Variants in GLI2 observed in about 807,000 individuals in gnomAD.
GLI2 encodes the protein GLI family zinc finger 2.
In GLI2, 22 loss-of-function variants were observed where a neutral mutation model predicts 78.9. The ratio of observed to expected loss-of-function variants is 0.28; its 90% CI spans 0.20 to 0.40. The LOEUF (loss-of-function observed/expected upper bound fraction) is 0.40, where lower values mean the gene tolerates loss of function less well. GLI2 is among the 10% of genes least tolerant of loss of function. The pLI is 1.00. For missense variants in GLI2, 2,097 were observed against 2,213.2 expected, an observed-to-expected ratio of 0.95 and a Z score of 1.05; for synonymous variants, 974 against 963.7, an observed-to-expected ratio of 1.01 and a Z score of -0.20.
At chr2:120,738,769 G>A (rs1274571598) in intron 1 of GLI2, among the ~76,000 whole-genome samples, 1 of 152,222 alleles carries the variant, frequency 6.6e-6, no homozygotes, top group Admixed American at 6.5e-5. Context: ...TCCTCTGTGG[G>A]AATCGATTTG....
Position 120,736,089 on chromosome 2 carries a change from G to T in GLI2, c.-227G>T, listed in dbSNP as rs937323225. Among the ~76,000 whole-genome samples, 3 of 150,108 alleles carry T rather than the reference G, an allele frequency of 2.0e-5. No homozygotes were observed. Among genetic ancestry groups the T allele is most frequent in the Non-Finnish European group, 3.0e-5 (2 of 67,458 alleles). Reference sequence around the variant, plus strand: ...TCGGGGAGCCGCCTGCTCGCCGGCGGTAGGGGCTGCGCGGCGCCCGCCCGC... The same window carrying T: ...TCGGGGAGCCGCCTGCTCGCCGGCGTTAGGGGCTGCGCGGCGCCCGCCCGC... On this transcript the variant is annotated 5_prime_UTR_variant, in exon 1 of 14. Coordinates refer to ENST00000361492, the MANE Select transcript of GLI2 (RefSeq NM_001374353.1).
intron 3 of GLI2, among the ~76,000 whole-genome samples, chr2:120,944,577 G>A (rs113512433): frequency 0.026 from 3,918 of 152,288 alleles, 177 homozygotes; most frequent in African/African-American, 0.091. Flanking sequence ...CCTGCCAGGG[G>A]ACCACCAAGC....
intron 2 of GLI2, among the ~76,000 whole-genome samples, chr2:120,837,825 CG>C: frequency 6.6e-6 from 1 of 152,222 alleles, no homozygotes; most frequent in African/African-American, 2.4e-5. Context: ...GCTCTGTTTC[CG>C]GGCTCCCTAC....
intron 2 of GLI2, among the ~76,000 whole-genome samples, chr2:120,828,723 G>A (rs1166434869): frequency 6.6e-6 from 1 of 152,146 alleles, no homozygotes; most frequent in Non-Finnish European, 1.5e-5. Flanking sequence ...GCTTGAGGAT[G>A]AGGTTTAAAG....
chr2:120,823,605 A>G (rs777091503), intron 2 of GLI2, among the ~76,000 whole-genome samples: 21 of 152,224 alleles, frequency 1.4e-4, no homozygotes, highest in South Asian at 2.1e-4. Context: ...AGAAGTGGGT[A>G]GCCTGGGGAC....
chr2:120,770,843 C>T (rs945834043), intron 1 of GLI2, among the ~76,000 whole-genome samples: 1 of 152,174 alleles, frequency 6.6e-6, no homozygotes, highest in African/African-American at 2.4e-5. Context: ...GACCACCTAC[C>T]CTCCAGGCTG....
chr2:120,836,575 C>A (rs970914), intron 2 of GLI2, among the ~76,000 whole-genome samples: 28,243 of 152,204 alleles, frequency 0.19, 2,950 homozygotes, highest in African/African-American at 0.26. Flanking sequence ...GAACTTTCTT[C>A]ACAGCAGGGG....
At chr2:120,931,395 G>C (rs1257735890) in intron 3 of GLI2, among the ~76,000 whole-genome samples, 1 of 152,146 alleles carries the variant, frequency 6.6e-6, no homozygotes, top group Non-Finnish European at 1.5e-5. Context: ...TGCCTTTCGG[G>C]CCTACTGGGA....
At chr2:120,791,210 T>G (rs1210690455) in intron 1 of GLI2, among the ~76,000 whole-genome samples, 1 of 152,058 alleles carries the variant, frequency 6.6e-6, no homozygotes, top group Admixed American at 6.5e-5. Context: ...AACCCTTACG[T>G]TCCCCACGTC....
chr2:120,952,367 C>T (rs1573662406), intron 4 of GLI2, among the ~76,000 whole-genome samples: 1 of 152,306 alleles, frequency 6.6e-6, no homozygotes, highest in East Asian at 1.9e-4. Context: ...GAAATGGGGT[C>T]CCAGCGAGTC....
intron 1 of GLI2, among the ~76,000 whole-genome samples, chr2:120,753,150 G>A (rs1682929725): frequency 6.9e-6 from 1 of 144,280 alleles, no homozygotes; most frequent in Non-Finnish European, 1.5e-5. Flanking sequence ...TCTGGAGGGT[G>A]CAGTGGCACG....
intron 1 of GLI2, among the ~76,000 whole-genome samples, chr2:120,747,844 A>T (rs1682738479): frequency 6.6e-6 from 1 of 152,202 alleles, no homozygotes. Flanking sequence ...CCTAGTTCTC[A>T]CACCAGGCTG....
intron 1 of GLI2, among the ~76,000 whole-genome samples, chr2:120,796,476 C>T (rs965934139): frequency 1.3e-5 from 2 of 152,214 alleles, no homozygotes; most frequent in Non-Finnish European, 2.9e-5. Flanking sequence ...CTTCTGGCCA[C>T]TACTCAAAGA....
intron 2 of GLI2, among the ~76,000 whole-genome samples, chr2:120,865,856 G>C (rs1045685880): frequency 1.3e-5 from 2 of 152,194 alleles, no homozygotes; most frequent in African/African-American, 2.4e-5. Flanking sequence ...TCCCACTCCG[G>C]GTACCCCAGG....
rs761549286 is a variant in GLI2 at position 120,989,081 on chromosome 2, C to T, written c.3116C>T (p.Pro1039Leu). The change falls in exon 14 of 14, where the codon CCG becomes CTG. Residue 1039 changes from proline to leucine, a missense_variant. Around this residue, in one of 5 missense-constraint regions of GLI2, gnomAD observed 1,290 missense variants for 1,261.7 expected, o/e 1.02. Coordinates refer to ENST00000361492, the MANE Select transcript of GLI2 (RefSeq NM_001374353.1). ...GGGCCCGAGGCCGACCTGGGGCTGCCGGAGGACGACCTGGTGCTTCCAGAC... is the reference window on the plus strand; with the variant it reads ...GGGCCCGAGGCCGACCTGGGGCTGCTGGAGGACGACCTGGTGCTTCCAGAC... ...GAGPEADLGLPEDDLVLPDDV... is the reference protein window; with the variant it reads ...GAGPEADLGLLEDDLVLPDDV... 2 of 1,611,822 alleles carry T rather than the reference C, an allele frequency of 1.2e-6. No homozygotes were observed. The highest frequency in any genetic ancestry group is 2.2e-5 in the East Asian group (1 of 44,876).
intron 2 of GLI2, among the ~76,000 whole-genome samples, chr2:120,855,369 G>T (rs1052314000): frequency 6.6e-6 from 1 of 152,164 alleles, no homozygotes; most frequent in East Asian, 1.9e-4. Context: ...TGGTCAGGTG[G>T]CTTCACAGAT....
Position 120,988,729 on chromosome 2 carries a change from C to T in GLI2, c.2764C>T (p.Arg922Cys). 8 of 1,196,148 alleles carry T rather than the reference C, an allele frequency of 6.7e-6. No homozygotes were observed. The highest frequency in any genetic ancestry group is 7.3e-6 in the Non-Finnish European group (7 of 963,090). 74.1% of individuals were successfully genotyped at this position (1,196,148 alleles called of 1,614,324 possible). ...CTGCCCACGCCCACTGGGGCCGCGG[C>T]GTGGCAGCGACGGGCCGACCTATGG... ...AGCPRPLGPR[R>C]GSDGPTYGHG... Residue 922 changes from arginine to cysteine, a missense_variant, in exon 14 of 14, where the codon CGT (arginine) becomes TGT (cysteine). Arg to Cys is a radical substitution (Grantham distance 180). Around this residue, in one of 5 missense-constraint regions of GLI2, gnomAD observed 1,290 missense variants for 1,261.7 expected, o/e 1.02. Coordinates refer to ENST00000361492, the MANE Select transcript of GLI2 (RefSeq NM_001374353.1).
intron 2 of GLI2, among the ~76,000 whole-genome samples, chr2:120,814,377 A>G (rs1685396922): frequency 2.6e-5 from 4 of 152,208 alleles, no homozygotes; most frequent in Non-Finnish European, 5.9e-5. Context: ...TTAAACATGA[A>G]TGCTGATGGC....
chr2:120,754,944 C>T (rs910538374), intron 1 of GLI2, among the ~76,000 whole-genome samples: 3 of 151,942 alleles, frequency 2.0e-5, no homozygotes, highest in Admixed American at 6.6e-5. Context: ...TCTCCGCCTC[C>T]GGGTGCAAAG....
Sources: gnomAD v4.1 joint callset for allele counts (sites outside exome capture counted in the v4.1 genomes callset) on GRCh38, gnomAD v4.1.1 for gene constraint, gnomAD v4.1.1 regional missense constraint, MANE v1.5 for transcripts, NCBI Gene and HGNC (gene_info 2026-07-23, HGNC 2026-07-21) for gene names.